The following FUT8 variants were observed in gnomAD, a reference collection of about 807,000 sequenced individuals.
FUT8 encodes alpha-(1,6)-fucosyltransferase.
A neutral mutation model predicts 71.3 loss-of-function variants in FUT8; 29 were observed. That is an observed-to-expected ratio of 0.41 (90% confidence interval 0.30 to 0.55). The LOEUF is 0.55. Among genes scored for constraint, FUT8 ranks in the 20% least tolerant of loss-of-function variants. The pLI is 0.34. For synonymous variants in FUT8, 254 were observed against 239.3 expected (o/e 1.06, Z -0.57); for missense variants, 544 against 702.1 (o/e 0.77, Z 2.55).
chr14:65,465,610 G>GT (rs1299495464), intron 2 of FUT8, among the ~76,000 whole-genome samples: 1 of 152,186 alleles, frequency 6.6e-6, no homozygotes, highest in Admixed American at 6.5e-5. Context: ...TTCCAGCTAT[G>GT]TTTTTGTTTA....
chr14:65,389,447 G>C, the FUT8 span, among the ~76,000 whole-genome samples: 1 of 151,772 alleles, frequency 6.6e-6, no homozygotes, highest in African/African-American at 2.4e-5. Context: ...AAGTAGCTGG[G>C]ATTACAGGCA....
intron 2 of FUT8, among the ~76,000 whole-genome samples, chr14:65,505,311 T>G (rs908916359): frequency 7.3e-6 from 1 of 137,490 alleles, no homozygotes; most frequent in African/African-American, 2.7e-5. Context: ...TTTCAGTTTT[T>G]TTTTTTTTTT....
At chr14:65,566,866 A>G (rs1886222172) in intron 3 of FUT8, among the ~76,000 whole-genome samples, 1 of 151,962 alleles carries the variant, frequency 6.6e-6, no homozygotes, top group Non-Finnish European at 1.5e-5. Flanking sequence ...TTCAAGTTTA[A>G]TAATGTGAAA....
chr14:65,536,059 T>C (rs1340494484), intron 2 of FUT8, among the ~76,000 whole-genome samples: 1 of 152,192 alleles, frequency 6.6e-6, no homozygotes, highest in Non-Finnish European at 1.5e-5. Context: ...GTTTTGATCT[T>C]TGTTGGCTTA....
chr14:65,604,500 T>C (rs1021977619), intron 3 of FUT8, among the ~76,000 whole-genome samples: 10 of 151,910 alleles, frequency 6.6e-5, no homozygotes, highest in Non-Finnish European at 1.5e-4. Context: ...TCCTGAATGA[T>C]CATTGGGTCA....
chr14:65,417,769 A>C (rs957999515), intron 1 of FUT8, among the ~76,000 whole-genome samples: 9 of 152,204 alleles, frequency 5.9e-5, no homozygotes, highest in African/African-American at 2.2e-4. Context: ...TGCCTTTGCT[A>C]TTCTGCCTTT....
chr14:65,692,269 C>T (rs772562985), intron 7 of FUT8, among the ~76,000 whole-genome samples: 62 of 150,272 alleles, frequency 4.1e-4, no homozygotes, highest in Non-Finnish European at 5.9e-4. Flanking sequence ...GGCGGCTGGC[C>T]GGGCAGAGGG....
intron 1 of FUT8, among the ~76,000 whole-genome samples, chr14:65,448,710 T>A (rs1011616448): frequency 6.6e-6 from 1 of 152,112 alleles, no homozygotes; most frequent in African/African-American, 2.4e-5. Flanking sequence ...TATAGGAAGT[T>A]GAAAAGGATT....
chr14:65,509,912 G>A (rs187954428), intron 2 of FUT8, among the ~76,000 whole-genome samples: 17 of 151,950 alleles, frequency 1.1e-4, no homozygotes, highest in South Asian at 2.1e-4. Flanking sequence ...TTTACAATTC[G>A]GATGCCCTTT....
chr14:65,451,526 C>A (rs781577541), intron 1 of FUT8, among the ~76,000 whole-genome samples: 2 of 152,234 alleles, frequency 1.3e-5, no homozygotes, highest in South Asian at 4.1e-4. Context: ...TGTGAAGTGG[C>A]AGCCCTCTGC....
In FUT8 at chr14:65,669,227, T is replaced by G. The variant is rs1892362455; in HGVS notation, c.598-16T>G. The G allele has an allele frequency of 6.3e-7, 1 of 1,594,122 alleles. No individual in the cohort carries two copies. Among genetic ancestry groups the G allele is most frequent in the South Asian group, 1.1e-5 (1 of 90,354 alleles). On this transcript the variant is annotated splice_polypyrimidine_tract_variant and intron_variant, in intron 6 of 10. Transcript: ENST00000673929. The surrounding 1 kb of genome is among the most constrained non-coding windows in gnomAD (Gnocchi z 4.5). ...TACAACTTATCTTTATTTTCATTTC[T>G]CTTTCTCCCTGACAGAATCCCAAGG...
At position 65,536,076 on chromosome 14, in the gene FUT8, G is replaced by GT. The variant is rs527697038; in HGVS notation, c.-227-25254dup. ...TTTGATCTTTGTTGGCTTAAAATCTGTTTTTTTCTGCTTTCCATTTGCTTG... is the reference window on the plus strand; with the variant it reads ...TTTGATCTTTGTTGGCTTAAAATCTGTTTTTTTTCTGCTTTCCATTTGCTTG... On this transcript the variant is annotated intron_variant, in intron 2 of 10. Coordinates refer to ENST00000673929, the MANE Select transcript of FUT8 (RefSeq NM_001371533.1). Among the ~76,000 whole-genome samples, 230 of 151,984 alleles carry GT rather than the reference G, an allele frequency of 1.5e-3. 1 individual carries two copies. In the Middle Eastern group the frequency reaches 0.024, roughly 16 times the overall value.
intron 7 of FUT8, among the ~76,000 whole-genome samples, chr14:65,720,871 T>C (rs1487338411): frequency 6.6e-6 from 1 of 152,156 alleles, no homozygotes; most frequent in African/African-American, 2.4e-5. Context: ...TCTTTGCTAA[T>C]GGCCCGGGTG....
At chr14:65,675,058 A>G (rs960197565) in intron 7 of FUT8, among the ~76,000 whole-genome samples, 1 of 152,264 alleles carries the variant, frequency 6.6e-6, no homozygotes, top group African/African-American at 2.4e-5. Context: ...CAGTTAGAAT[A>G]TACTTAATGT....
At chr14:65,397,704 C>T in the FUT8 span, among the ~76,000 whole-genome samples, 68 of 152,300 alleles carry the variant, frequency 4.5e-4, no homozygotes, top group East Asian at 7.5e-3. The surrounding 1 kb of genome is among the most constrained non-coding windows in gnomAD (Gnocchi z 4.2). Context: ...GGGACAGGCT[C>T]CAGCCACCTG....
At chr14:65,730,594 C>T (rs1453829263) in intron 9 of FUT8, among the ~76,000 whole-genome samples, 1 of 152,108 alleles carries the variant, frequency 6.6e-6, no homozygotes, top group African/African-American at 2.4e-5. Flanking sequence ...ATGATGTGAA[C>T]CCGGGAGGCG....
At chr14:65,480,699 T>G (rs181792729) in intron 2 of FUT8, among the ~76,000 whole-genome samples, 1 of 148,588 alleles carries the variant, frequency 6.7e-6, no homozygotes, top group Admixed American at 6.7e-5. Context: ...GTAATTCTAT[T>G]TTTTTTTTTT....
chr14:65,567,641 T>C (rs1177764424), intron 3 of FUT8, among the ~76,000 whole-genome samples: 2 of 151,944 alleles, frequency 1.3e-5, no homozygotes, highest in African/African-American at 4.8e-5. Flanking sequence ...TGCCTTTTGC[T>C]TTTTCAATCT....
chr14:65,738,102 G>A (rs1896313275), intron 10 of FUT8, among the ~76,000 whole-genome samples: 1 of 152,126 alleles, frequency 6.6e-6, no homozygotes, highest in African/African-American at 2.4e-5. Context: ...TGCATCCACA[G>A]AGGCTCTATC....
Sources: allele counts gnomAD v4.1 joint callset (sites outside exome capture counted in the v4.1 genomes callset), GRCh38; gene constraint gnomAD v4.1.1; non-coding constraint Gnocchi (gnomAD v3.1); transcripts MANE v1.5; gene names NCBI Gene and HGNC (gene_info 2026-07-23, HGNC 2026-07-21).